STAU2: variants seen among roughly 807,000 people sequenced by gnomAD.
STAU2 encodes the protein staufen double-stranded RNA binding protein 2.
In STAU2, 20 loss-of-function variants were observed where a neutral mutation model predicts 65.9. The observed-to-expected ratio is 0.30, with a 90% CI of 0.21 to 0.44. The LOEUF is 0.44. Ranked by LOEUF, STAU2 falls within the 20% of genes least tolerant of loss-of-function variation. The pLI, the probability that STAU2 is intolerant of heterozygous loss-of-function variation, is 1.00. For missense variants in STAU2, 558 were observed against 683.9 expected (o/e 0.82, Z 2.05); for synonymous variants, 232 against 233.9 (o/e 0.99, Z 0.07).
At chr8:73,680,852 G>A (rs1419198754) in intron 5 of STAU2, among the ~76,000 whole-genome samples, 1 of 151,640 alleles carries the variant, frequency 6.6e-6, no homozygotes, top group Admixed American at 6.6e-5. Flanking sequence ...AATCAAACAA[G>A]CAGAAGAAAG....
chr8:73,675,623 A>G (rs1168527461), intron 5 of STAU2: 1 of 152,198 alleles, frequency 6.6e-6, no homozygotes, highest in Non-Finnish European at 1.5e-5. Context: ...ATAAATCATG[A>G]GGAAACACCA....
At chr8:73,710,592 T>C (rs571850389) in intron 3 of STAU2, among the ~76,000 whole-genome samples, 3 of 152,218 alleles carry the variant, frequency 2.0e-5, no homozygotes, top group Middle Eastern at 3.4e-3. Flanking sequence ...ATGTATGATA[T>C]GGTTTTCTAA....
At chr8:73,642,849 G>C (rs1815092202) in intron 6 of STAU2, among the ~76,000 whole-genome samples, 1 of 152,170 alleles carries the variant, frequency 6.6e-6, no homozygotes, top group Non-Finnish European at 1.5e-5. Flanking sequence ...TCTAAAATGG[G>C]AGTATACCTG....
At chr8:73,688,217 C>T (rs957054316) in intron 5 of STAU2, among the ~76,000 whole-genome samples, 25 of 147,352 alleles carry the variant, frequency 1.7e-4, no homozygotes, top group African/African-American at 6.3e-4. Context: ...GCTCTTGTTG[C>T]CCAGGCTGGA....
intron 10 of STAU2, among the ~76,000 whole-genome samples, chr8:73,603,452 A>G (rs1049155832): frequency 2.6e-5 from 4 of 152,222 alleles, no homozygotes; most frequent in Non-Finnish European, 5.9e-5. Flanking sequence ...ATGTAACACA[A>G]AAAGTTAAAA....
At chr8:73,706,270 C>G (rs955593650) in intron 4 of STAU2, among the ~76,000 whole-genome samples, 2 of 152,136 alleles carry the variant, frequency 1.3e-5, no homozygotes, top group South Asian at 2.1e-4. Context: ...TCACGCACCA[C>G]CACACCCCGG....
chr8:73,594,082 C>T (rs1811012485), intron 11 of STAU2, among the ~76,000 whole-genome samples: 1 of 152,004 alleles, frequency 6.6e-6, no homozygotes, highest in African/African-American at 2.4e-5. Flanking sequence ...GATCACTCAC[C>T]AGTTTTAAGT....
rs186589780 is a variant in STAU2, at chr8:73,734,492, G to A, written c.-18+3792C>T. 1.4e-4 allele frequency among the ~76,000 whole-genome samples: 22 copies of A among 152,114 alleles called. No individual in the cohort carries two copies. The East Asian group carries it at 1.7e-3, about 12-fold the overall frequency. On this transcript the variant is annotated intron_variant, in intron 3 of 14. Transcript: ENST00000524300. The stretch of plus-strand genomic sequence containing the variant: ...TTTAGTAACACATATGGAAGAATCT[G>A]TTATGAATAAAAAACCATGTAGGCC...
chr8:73,701,887 T>C (rs1297770601), intron 4 of STAU2, among the ~76,000 whole-genome samples: 1 of 152,146 alleles, frequency 6.6e-6, no homozygotes, highest in Non-Finnish European at 1.5e-5. Context: ...TGGAGTACTA[T>C]TCAGCCATAA....
chr8:73,686,793 C>A (rs1818861730), intron 5 of STAU2, among the ~76,000 whole-genome samples: 1 of 151,272 alleles, frequency 6.6e-6, no homozygotes, highest in African/African-American at 2.4e-5. Context: ...ATTAGAACAA[C>A]TCTTTAAAAT....
intron 13 of STAU2, among the ~76,000 whole-genome samples, chr8:73,502,363 A>G (rs1323282690): frequency 6.6e-6 from 1 of 151,736 alleles, no homozygotes; most frequent in Non-Finnish European, 1.5e-5. Flanking sequence ...ATGCTTGCAA[A>G]TTTTCTTGAC....
chr8:73,656,412 A>C (rs1205264626), intron 6 of STAU2, among the ~76,000 whole-genome samples: 2 of 152,272 alleles, frequency 1.3e-5, no homozygotes, highest in Non-Finnish European at 2.9e-5. Flanking sequence ...TGCTGAAAGC[A>C]AGTAACCAGA....
intron 12 of STAU2, among the ~76,000 whole-genome samples, chr8:73,559,650 G>T (rs1160458915): frequency 1.3e-4 from 20 of 152,306 alleles, no homozygotes; most frequent in African/African-American, 4.3e-4. Flanking sequence ...GTCCCTGAAG[G>T]TCAGGGACAG....
chr8:73,598,401 G>C (rs1401669690), intron 10 of STAU2, among the ~76,000 whole-genome samples: 1 of 151,598 alleles, frequency 6.6e-6, no homozygotes, highest in African/African-American at 2.4e-5. Context: ...CTAATTTTTT[G>C]TATTTACAGT....
intron 13 of STAU2, among the ~76,000 whole-genome samples, chr8:73,520,591 G>A (rs1822989427): frequency 6.6e-6 from 1 of 152,126 alleles, no homozygotes; most frequent in Non-Finnish European, 1.5e-5. Flanking sequence ...GTAGAAATGG[G>A]CACATGACCA....
rs528938010 is a variant in STAU2 at position 73,568,622 on chromosome 8, C to G, written c.1222+14148G>C. On this transcript the variant is annotated intron_variant, in intron 12 of 14. Transcript: ENST00000524300. ...AGACCCTATCTCAAAAAAAAAAAGA[C>G]AACGATTAAAACTGGCACATAGATA... is the stretch of plus-strand genomic sequence containing the variant. Among the ~76,000 whole-genome samples the G allele has an allele frequency of 6.0e-5, 9 of 150,938 alleles. No homozygotes were observed. The East Asian group carries it at 1.7e-3, about 29-fold the overall frequency.
intron 3 of STAU2, among the ~76,000 whole-genome samples, chr8:73,734,660 G>A (rs1806304757): frequency 6.6e-6 from 1 of 152,068 alleles, no homozygotes; most frequent in Non-Finnish European, 1.5e-5. Context: ...CGGGCGTGGT[G>A]GCATGCGCTT....
intron 13 of STAU2, among the ~76,000 whole-genome samples, chr8:73,424,810 C>T (rs1816676814): frequency 6.6e-6 from 1 of 151,528 alleles, no homozygotes; most frequent in Non-Finnish European, 1.5e-5. Context: ...TAGATTACTC[C>T]TTCCTTTCAA....
chr8:73,721,115 A>C (rs6998633), intron 3 of STAU2, among the ~76,000 whole-genome samples: 1 of 134,212 alleles, frequency 7.5e-6, no homozygotes, highest in Non-Finnish European at 1.6e-5. Flanking sequence ...TCCCAACACT[A>C]CAAAAAAAAA....
Sources: gnomAD v4.1 joint callset for allele counts (sites outside exome capture counted in the v4.1 genomes callset) on GRCh38, gnomAD v4.1.1 for gene constraint, MANE v1.5 for transcripts, NCBI Gene and HGNC (gene_info 2026-07-23, HGNC 2026-07-21) for gene names.